CCNT1: variants seen among roughly 807,000 people sequenced by gnomAD.
CCNT1 encodes the protein cyclin T1.
Under a neutral mutation model 67.3 loss-of-function variants are expected in CCNT1, and 18 were observed. That is an observed-to-expected ratio of 0.27 (90% CI 0.18 to 0.40). The LOEUF (loss-of-function observed/expected upper bound fraction) is 0.40. CCNT1 is among the 10% of genes least tolerant of loss of function. The probability of loss-of-function intolerance (pLI) is 1.00; values close to 1 mark genes in which losing one functional copy is unlikely to be tolerated. For synonymous variants in CCNT1, 333 were observed against 310.3 expected, an observed-to-expected ratio of 1.07 and a Z score of -0.77; for missense variants, 744 against 884.9, an observed-to-expected ratio of 0.84 and a Z score of 2.02.
rs766158043 is a variant in CCNT1 at position 48,693,734 on chromosome 12, T to C, written c.1480A>G (p.Asn494Asp). Residue 494 changes from asparagine to aspartate, a missense_variant, in exon 9 of 9, where the codon AAT (asparagine) becomes GAT (aspartate). By Grantham distance (23) the Asn-to-Asp change is conservative. Around this residue, in one of 3 missense-constraint regions of CCNT1, gnomAD observed 564 missense variants for 574.2 expected, o/e 0.98. Coordinates refer to ENST00000261900, the MANE Select transcript of CCNT1 (RefSeq NM_001240.4). ...IKVHAAADKH[N>D]SVEDSVTKSR... ...TTTGTAACACTGTCCTCTACAGAAT[T>C]GTGCTTATCAGCTGCAGCATGGACT... is the stretch of plus-strand genomic sequence containing the variant. 4 of 1,614,150 alleles carry C rather than the reference T, an allele frequency of 2.5e-6. No homozygotes were observed. In the South Asian group the frequency reaches 3.3e-5, roughly 13 times the overall value.
chr12:48,694,177 G>A lies in CCNT1; in HGVS notation c.1037C>T (p.Thr346Ile). The A allele has an allele frequency of 1.9e-6, 3 of 1,614,206 alleles. No homozygotes were observed. Among genetic ancestry groups the A allele is most frequent in the Non-Finnish European group, 2.5e-6 (3 of 1,180,038 alleles). ...ATTCTCACTAGTCCGATGACCCTGA[G>A]TAGGTTCTAGTTTGAAAGAAGGTTG... is the stretch of plus-strand genomic sequence containing the variant. The part of the protein sequence containing the change: ...SSQPSFKLEP[T>I]QGHRTSENLA... Residue 346 changes from threonine (T) to isoleucine (I), a missense_variant, in exon 9 of 9, where the codon ACT (threonine) becomes ATT (isoleucine). Coordinates refer to ENST00000261900, the MANE Select transcript of CCNT1 (RefSeq NM_001240.4).
In CCNT1 at chr12:48,694,253, T is replaced by C; in HGVS notation, c.961A>G (p.Ser321Gly). The C allele has an allele frequency of 3.1e-6, 5 of 1,614,226 alleles. No individual in the cohort carries two copies. Among genetic ancestry groups the C allele is most frequent in the Non-Finnish European group, 3.4e-6 (4 of 1,180,042 alleles). Residue 321 changes from serine to glycine, a missense_variant, in exon 9 of 9, where the codon AGC becomes GGC. Transcript: ENST00000261900. ...AACATCTCCACACTGGTTAAGTTGCTGGATGACTCTTCGGAGACTGGCAGG... is the reference window on the plus strand; with the variant it reads ...AACATCTCCACACTGGTTAAGTTGCCGGATGACTCTTCGGAGACTGGCAGG... ...PSLPVSEESS[S>G]NLTSVEMLPG...
At chr12:48,712,895 G>A (rs1441826769) in intron 2 of CCNT1, among the ~76,000 whole-genome samples, 7 of 151,670 alleles carry the variant, frequency 4.6e-5, no homozygotes, top group African/African-American at 9.7e-5. Flanking sequence ...GGCCAAGATC[G>A]TGCCATTGCA....
At chr12:48,697,696 G>A (rs1940194420) in intron 6 of CCNT1, among the ~76,000 whole-genome samples, 1 of 147,822 alleles carries the variant, frequency 6.8e-6, no homozygotes, top group South Asian at 2.1e-4. Flanking sequence ...GCGGGTACCT[G>A]TAGTCCTAGC....
chr12:48,702,640 C>T (rs1940289894), intron 3 of CCNT1, among the ~76,000 whole-genome samples: 1 of 152,004 alleles, frequency 6.6e-6, no homozygotes, highest in African/African-American at 2.4e-5. Context: ...AAAAAATTAG[C>T]TGGGTGTGAT....
At chr12:48,712,012 TC>T (rs1940458711) in intron 2 of CCNT1, among the ~76,000 whole-genome samples, 1 of 152,100 alleles carries the variant, frequency 6.6e-6, no homozygotes, top group South Asian at 2.1e-4. Context: ...GCCAGGATGG[TC>T]TTGATCTGCT....
At position 48,698,159 on chromosome 12, in the gene CCNT1, GA is replaced by G; in HGVS notation, c.520del (p.Ser174LeufsTer11). On this transcript the variant is annotated frameshift_variant, in exon 6 of 9. Coordinates refer to ENST00000261900, the MANE Select transcript of CCNT1 (RefSeq NM_001240.4). LOFTEE classifies it high-confidence loss of function. ...AAACCTGTTGGTTGCCATGAAGTAA[GA>G]AGTCTGTGCTAAGTCCTTGCTTGCT... ...VRASKDLAQT[S>X]YFMATNSLHL... The G allele has an allele frequency of 7.5e-7, 1 of 1,327,120 alleles. No homozygotes were observed. Among genetic ancestry groups the G allele is most frequent in the South Asian group, 1.3e-5 (1 of 76,866 alleles). The allele number at this position is 1,327,120 out of a possible 1,614,324, so 82.2% of individuals were successfully genotyped here.
intron 2 of CCNT1, among the ~76,000 whole-genome samples, chr12:48,708,819 T>G (rs908474528): frequency 5.9e-5 from 9 of 151,962 alleles, no homozygotes; most frequent in African/African-American, 2.2e-4. Context: ...TAGCAAGACT[T>G]TATAGGCTGG....
intron 3 of CCNT1, among the ~76,000 whole-genome samples, chr12:48,702,927 C>G (rs1158010885): frequency 6.6e-6 from 1 of 151,938 alleles, no homozygotes; most frequent in African/African-American, 2.4e-5. Flanking sequence ...TCAAGACCAG[C>G]CTGGGTAACA....
intron 2 of CCNT1, 49 bp from the exon 3 acceptor site, chr12:48,705,945 T>A (rs1454848680): frequency 6.5e-7 from 1 of 1,534,388 alleles, no homozygotes; most frequent in Admixed American, 2.0e-5. Context: ...TATTCATTCA[T>A]AGAGTAAGGT....
intron 1 of CCNT1, among the ~76,000 whole-genome samples, chr12:48,715,139 A>G (rs1027016358): frequency 6.6e-6 from 1 of 152,170 alleles, no homozygotes; most frequent in Admixed American, 6.5e-5. Context: ...ACACACATAC[A>G]AAAAGGAAAG....
chr12:48,693,371 C>G lies in CCNT1; in HGVS notation c.1843G>C (p.Gly615Arg). 1.2e-6 allele frequency: 2 copies of G among 1,614,206 alleles called. No homozygotes were observed. Among genetic ancestry groups the G allele is most frequent in the East Asian group, 4.5e-5 (2 of 44,890 alleles). ...PSLPTMGQMP[G>R]HSSDTSGLSF... Reference sequence around the variant, plus strand: ...AGGCCACTTGTGTCTGAGCTATGCCCAGGCATCTGACCCATTGTAGGAAGT... The same window carrying G: ...AGGCCACTTGTGTCTGAGCTATGCCGAGGCATCTGACCCATTGTAGGAAGT... The change falls in exon 9 of 9, where the codon GGG (glycine) becomes CGG (arginine). Residue 615 changes from glycine to arginine, a missense_variant. Physicochemically the swap from Gly to Arg is moderately radical, Grantham distance 125. Around this residue, in one of 3 missense-constraint regions of CCNT1, gnomAD observed 564 missense variants for 574.2 expected, o/e 0.98. Transcript: ENST00000261900.
chr12:48,694,431 G>A lies in CCNT1; in HGVS notation c.783C>T (p.Cys261=), dbSNP rs777460626. The change falls in exon 9 of 9, where the codon TGC becomes TGT. Residue 261 remains cysteine, a synonymous_variant. Coordinates refer to ENST00000261900, the MANE Select transcript of CCNT1 (RefSeq NM_001240.4). ...CTGCTTTTGTTTTCTTGGCAGCCTC[G>A]CATGCCTGCAATGAAGCAAATAGCA... ...RLKRIWNWRA[C]EAAKKTKADD... is the part of the protein sequence containing the mutation. 5.6e-6 allele frequency: 9 copies of A among 1,609,976 alleles called. No individual in the cohort carries two copies. Among genetic ancestry groups the A allele is most frequent in the Admixed American group, 1.7e-5 (1 of 59,822 alleles).
At position 48,691,823 on chromosome 12, in the gene CCNT1, A is replaced by T. The variant is rs765865940; in HGVS notation, c.*1210T>A. The T allele has an allele frequency of 6.6e-6, 1 of 152,250 alleles. No homozygotes were observed. The highest frequency in any genetic ancestry group is 1.5e-5 in the Non-Finnish European group (1 of 68,052). 9.4% of individuals were successfully genotyped at this position (152,250 alleles called of 1,614,324 possible). On this transcript the variant is annotated 3_prime_UTR_variant, in exon 9 of 9. Transcript: ENST00000261900. Reference sequence around the variant, plus strand: ...TAGCTGTTTCCCTTCGGATATACACATAAAAAGCATGTCTTACATTTATAA... The same window carrying T: ...TAGCTGTTTCCCTTCGGATATACACTTAAAAAGCATGTCTTACATTTATAA...
chr12:48,716,260 TA>T, intron 1 of CCNT1, among the ~76,000 whole-genome samples: 1 of 152,312 alleles, frequency 6.6e-6, no homozygotes, highest in East Asian at 1.9e-4. Flanking sequence ...AAGGGCTGGT[TA>T]AAACACAAAG....
At chr12:48,708,714 ATC>A (rs1258397437) in intron 2 of CCNT1, among the ~76,000 whole-genome samples, 6 of 152,240 alleles carry the variant, frequency 3.9e-5, no homozygotes, top group African/African-American at 1.2e-4. Flanking sequence ...TAACAGGATT[ATC>A]TCTTTATTTC....
chr12:48,701,339 C>A (rs141134334), intron 3 of CCNT1, among the ~76,000 whole-genome samples: 2,458 of 151,094 alleles, frequency 0.016, 32 homozygotes, highest in Non-Finnish European at 0.024. Context: ...AATTCCCCTG[C>A]CTCAGCCTCC....
At position 48,704,607 on chromosome 12, in the gene CCNT1, G is replaced by A. The variant is rs758554286; in HGVS notation, c.372+1161C>T. On this transcript the variant is annotated intron_variant, in intron 3 of 8. Transcript: ENST00000261900. ...GGGCAGATCACAAGGTCAAGAGATC[G>A]AGACCATTCTGGCTAACATGGTGAA... is the stretch of plus-strand genomic sequence containing the variant. Among the ~76,000 whole-genome samples the A allele has an allele frequency of 5.9e-5, 9 of 152,176 alleles. No homozygotes were observed. In the East Asian group the frequency reaches 7.7e-4, roughly 13 times the overall value.
intron 2 of CCNT1, among the ~76,000 whole-genome samples, chr12:48,709,523 A>T (rs1355854405): frequency 6.6e-6 from 1 of 152,210 alleles, no homozygotes; most frequent in Non-Finnish European, 1.5e-5. Context: ...AAACTAGAAC[A>T]ACAACCCAAA....
Sources: gnomAD v4.1 joint callset for allele counts (sites outside exome capture counted in the v4.1 genomes callset) on GRCh38, gnomAD v4.1.1 for gene constraint, gnomAD v4.1.1 regional missense constraint, MANE v1.5 for transcripts, NCBI Gene and HGNC (gene_info 2026-07-23, HGNC 2026-07-21) for gene names.